Variants in STOX2 observed in about 807,000 individuals in gnomAD.
STOX2 encodes the protein storkhead-box protein 2.
A neutral mutation model predicts 60.9 loss-of-function variants in STOX2; 28 were observed. That is an observed-to-expected ratio of 0.46 (90% confidence interval 0.34 to 0.63). STOX2 has a LOEUF of 0.63. Ranked by LOEUF, STOX2 falls within the 30% of genes least tolerant of loss-of-function variation. The probability of loss-of-function intolerance (pLI) is 0.01; values close to 1 mark genes in which losing one functional copy is unlikely to be tolerated. For synonymous variants in STOX2, 472 were observed against 463.9 expected, an observed-to-expected ratio of 1.02 and a Z score of -0.22; for missense variants, 1,024 against 1,187.7, an observed-to-expected ratio of 0.86 and a Z score of 2.03.
intron 1 of STOX2, among the ~76,000 whole-genome samples, chr4:183,963,720 C>T (rs1560907653): frequency 6.6e-6 from 1 of 151,436 alleles, no homozygotes; most frequent in African/African-American, 2.4e-5. Flanking sequence ...GCCACCACAC[C>T]CGGCCTAAAA....
Position 184,009,135 on chromosome 4 carries a change from GGT to G in STOX2, c.320-22_320-21del. 24 of 1,001,126 alleles carry G rather than the reference GGT, an allele frequency of 2.4e-5. No individual in the cohort carries two copies. In the East Asian group the frequency reaches 3.1e-4, roughly 13 times the overall value. The allele number at this position is 1,001,126 out of a possible 1,614,324, so 62.0% of individuals were successfully genotyped here. A position where few individuals can be genotyped will look rare whatever the true frequency, so the allele number is the denominator to read the frequency against. ...ATGTTCTGTCTTCATTCTCACAAGTGGTTTTTTTTTTTTTTTTTTCAGGTGTT... is the reference window on the plus strand; with the variant it reads ...ATGTTCTGTCTTCATTCTCACAAGTGTTTTTTTTTTTTTTTTTCAGGTGTT... On this transcript the variant is annotated intron_variant, in intron 2 of 3. Coordinates refer to ENST00000308497, the MANE Select transcript of STOX2 (RefSeq NM_020225.3). The surrounding 1 kb of genome is among the most constrained non-coding windows in gnomAD (Gnocchi z 4.0).
intron 1 of STOX2, among the ~76,000 whole-genome samples, chr4:183,921,650 T>C (rs895468070): frequency 6.6e-6 from 1 of 152,230 alleles, no homozygotes; most frequent in Non-Finnish European, 1.5e-5. Context: ...ATCCTTGGAA[T>C]GTATAAGATT....
upstream of STOX2, among the ~76,000 whole-genome samples, chr4:183,901,543 G>C (rs1393662331): frequency 6.6e-6 from 1 of 151,466 alleles, no homozygotes; most frequent in Non-Finnish European, 1.5e-5. Flanking sequence ...AGTGCACAAA[G>C]GTTCCAGTTT....
At position 183,860,892 on chromosome 4, in the gene STOX2, A is replaced by G. The variant is rs182991359; in HGVS notation, c.364+62837A>G. 4.6e-5 allele frequency among the ~76,000 whole-genome samples: 7 copies of G among 152,308 alleles called. No individual in the cohort carries two copies. The East Asian group carries it at 1.2e-3, about 25-fold the overall frequency. On this transcript the variant is annotated intron_variant, in intron 1 of 2. Transcript: ENST00000513034. ...CCGTAGGTGGAAGACAGCCTTTCCC[A>G]CAGTGCTCGCCTGCCAAGCATCTTC... is the stretch of plus-strand genomic sequence containing the variant.
chr4:183,909,548 A>G (rs1018525216), intron 1 of STOX2, among the ~76,000 whole-genome samples: 11 of 152,228 alleles, frequency 7.2e-5, no homozygotes, highest in Non-Finnish European at 1.5e-4. Flanking sequence ...GTACTAAATG[A>G]CTTAAAATAA....
chr4:183,997,803 A>G (rs1159652783), intron 1 of STOX2, among the ~76,000 whole-genome samples: 1 of 152,230 alleles, frequency 6.6e-6, no homozygotes, highest in Non-Finnish European at 1.5e-5. Flanking sequence ...ATTTTGTTCT[A>G]CATTCTGAGT....
At chr4:183,819,600 G>C (rs1739258921) in intron 1 of STOX2, among the ~76,000 whole-genome samples, 1 of 122,114 alleles carries the variant, frequency 8.2e-6, no homozygotes. Flanking sequence ...GGGAGAGTGG[G>C]AGGGGGAGGG....
At chr4:183,950,038 A>G (rs756049865) in intron 1 of STOX2, among the ~76,000 whole-genome samples, 3 of 152,212 alleles carry the variant, frequency 2.0e-5, no homozygotes, top group Non-Finnish European at 4.4e-5. Context: ...TCTTCTCACT[A>G]TTGTACAGCA....
intron 1 of STOX2, among the ~76,000 whole-genome samples, chr4:183,927,162 A>G (rs1742264724): frequency 6.6e-6 from 1 of 152,216 alleles, no homozygotes; most frequent in South Asian, 2.1e-4. Flanking sequence ...GTTTTCTGAA[A>G]GCAGAGCCAA....
chr4:183,958,483 C>G (rs1177621098), intron 1 of STOX2, among the ~76,000 whole-genome samples: 1 of 152,174 alleles, frequency 6.6e-6, no homozygotes, highest in Non-Finnish European at 1.5e-5. Flanking sequence ...ACTTTCTTCA[C>G]TCCTGTAATT....
chr4:183,919,018 C>G (rs1742014179), intron 1 of STOX2, among the ~76,000 whole-genome samples: 1 of 152,174 alleles, frequency 6.6e-6, no homozygotes, highest in Admixed American at 6.5e-5. Context: ...GGAAAGATAA[C>G]TAAAGAAAAA....
intron 1 of STOX2, among the ~76,000 whole-genome samples, chr4:183,911,164 TTC>T (rs1741769424): frequency 2.0e-3 from 1 of 498 alleles, no homozygotes; most frequent in Non-Finnish European, 0.05. Context: ...TAGACAAAAC[TTC>T]TCTGCCCTCT....
At chr4:183,967,310 G>A (rs914401191) in intron 1 of STOX2, among the ~76,000 whole-genome samples, 2 of 151,412 alleles carry the variant, frequency 1.3e-5, no homozygotes, top group African/African-American at 4.9e-5. Context: ...AGGTTGCAGT[G>A]AGCCGAGATT....
intron 1 of STOX2, among the ~76,000 whole-genome samples, chr4:183,951,359 A>T (rs1743084290): frequency 6.6e-6 from 1 of 151,790 alleles, no homozygotes; most frequent in African/African-American, 2.4e-5. Flanking sequence ...GAGGAGCAAG[A>T]CTAGAGAGAG....
At position 184,020,027 on chromosome 4, in the gene STOX2, C is replaced by T. The variant is rs751202203; in HGVS notation, c.*2743C>T. The T allele has an allele frequency of 2.0e-5, 3 of 150,878 alleles. No homozygotes were observed. The highest frequency in any genetic ancestry group is 3.0e-5 in the Non-Finnish European group (2 of 67,714). The allele number at this position is 150,878 out of a possible 1,614,324, so 9.3% of individuals were successfully genotyped here. A position where few individuals can be genotyped will look rare whatever the true frequency, so the allele number is the denominator to read the frequency against. On this transcript the variant is annotated 3_prime_UTR_variant, in exon 4 of 4. Transcript: ENST00000308497. Reference sequence around the variant, plus strand: ...TCTGTGAAAGGGTCAACACATCTGTCGGCATTTTGCACACTTATGTATTAT... The same window carrying T: ...TCTGTGAAAGGGTCAACACATCTGTTGGCATTTTGCACACTTATGTATTAT...
At chr4:183,851,055 A>G (rs1740114484) in intron 1 of STOX2, among the ~76,000 whole-genome samples, 1 of 139,132 alleles carries the variant, frequency 7.2e-6, no homozygotes, top group African/African-American at 2.7e-5. Flanking sequence ...AGAAACGATG[A>G]GAGAAAGGAT....
intron 1 of STOX2, among the ~76,000 whole-genome samples, chr4:183,939,611 C>G (rs1466674178): frequency 6.7e-6 from 1 of 149,572 alleles, no homozygotes; most frequent in Non-Finnish European, 1.5e-5. Flanking sequence ...TTTTTTTTTT[C>G]AGAATCACTA....
At chr4:183,978,190 G>A (rs1732514924) in intron 1 of STOX2, among the ~76,000 whole-genome samples, 1 of 152,128 alleles carries the variant, frequency 6.6e-6, no homozygotes, top group Non-Finnish European at 1.5e-5. Context: ...ATGTCCAGAA[G>A]AGTTTTTCCT....
chr4:183,860,057 T>C lies in STOX2; in HGVS notation c.364+62002T>C, dbSNP rs141177041. Among the ~76,000 whole-genome samples, 123 of 151,778 alleles carry C rather than the reference T, an allele frequency of 8.1e-4. 2 individuals are homozygous for C. The highest frequency in any genetic ancestry group is 4.1e-3 in the Admixed American group (62 of 15,182). On this transcript the variant is annotated intron_variant, in intron 1 of 2. Transcript: ENST00000513034. ...TTAAAGATAATATATAATTCTGCAA[T>C]TAAATATCTGTGTCCCTTTAAAATC...
Sources: allele counts gnomAD v4.1 joint callset (sites outside exome capture counted in the v4.1 genomes callset), GRCh38; gene constraint gnomAD v4.1.1; non-coding constraint Gnocchi (gnomAD v3.1); transcripts MANE v1.5; gene names NCBI Gene and HGNC (gene_info 2026-07-23, HGNC 2026-07-21).